The following SAMMSON variants were observed in gnomAD, a reference collection of about 807,000 sequenced individuals.
The protein encoded by SAMMSON is survival associated mitochondrial melanoma specific oncogenic non-coding RNA, also known as long intergenic non-protein coding RNA 1212.
chr3:70,352,746 A>G (rs1702802537), intron 7 of SAMMSON, among the ~76,000 whole-genome samples: 1 of 152,138 alleles, frequency 6.6e-6, no homozygotes, highest in African/African-American at 2.4e-5. Flanking sequence ...GTAGAAATAG[A>G]CAAGAATATT....
At chr3:70,280,479 C>T (rs943698185) in intron 6 of SAMMSON, among the ~76,000 whole-genome samples, 6 of 152,158 alleles carry the variant, frequency 3.9e-5, no homozygotes, top group Admixed American at 6.5e-5. Context: ...TCAATACTTT[C>T]ACCCTTGCCT....
intron 3 of SAMMSON, among the ~76,000 whole-genome samples, chr3:70,064,533 G>T (rs1190572354): frequency 6.6e-6 from 1 of 152,112 alleles, no homozygotes; most frequent in Non-Finnish European, 1.5e-5. Flanking sequence ...ATGCTTTCAT[G>T]TAGTTTCTTC....
chr3:70,140,662 A>G (rs1283372949), intron 4 of SAMMSON, among the ~76,000 whole-genome samples: 2 of 152,144 alleles, frequency 1.3e-5, no homozygotes, highest in Non-Finnish European at 2.9e-5. Context: ...ATCTTAATGA[A>G]GTTCTGTGAT....
intron 7 of SAMMSON, among the ~76,000 whole-genome samples, chr3:70,335,109 A>G (rs1559566190): frequency 6.6e-6 from 1 of 151,690 alleles, no homozygotes; most frequent in Non-Finnish European, 1.5e-5. Flanking sequence ...TAGAATGGGT[A>G]TAAAAGACAT....
chr3:70,392,797 C>G (rs1701061027), downstream of SAMMSON, among the ~76,000 whole-genome samples: 1 of 152,122 alleles, frequency 6.6e-6, no homozygotes, highest in Non-Finnish European at 1.5e-5. Flanking sequence ...ATAATTTTCA[C>G]TTAGTACTTG....
chr3:70,350,251 A>G (rs1003828745), intron 7 of SAMMSON, among the ~76,000 whole-genome samples: 2 of 152,214 alleles, frequency 1.3e-5, no homozygotes, highest in Non-Finnish European at 2.9e-5. Context: ...TTGATCTCCC[A>G]AATATTCTAT....
chr3:70,376,664 C>G lies in SAMMSON; in HGVS notation n.914-12910C>G, dbSNP rs150968229. 2.7e-3 allele frequency among the ~76,000 whole-genome samples: 411 copies of G among 152,162 alleles called. 2 individuals are homozygous for G. Among genetic ancestry groups the G allele is most frequent in the African/African-American group, 9.5e-3 (396 of 41,524 alleles). ...CCTCTTTCAGTAGGCAAAATAGGAG[C>G]ATTTACATACTTTTCTCATCCAGAG... On this transcript the variant is annotated intron_variant and non_coding_transcript_variant, in intron 9 of 9. Coordinates refer to ENST00000642114, the Ensembl canonical transcript of SAMMSON.
chr3:70,225,310 T>C (rs1701493339), intron 4 of SAMMSON, among the ~76,000 whole-genome samples: 1 of 152,218 alleles, frequency 6.6e-6, no homozygotes, highest in Non-Finnish European at 1.5e-5. Context: ...TAATTATATG[T>C]CTTCCTCCCA....
intron 4 of SAMMSON, among the ~76,000 whole-genome samples, chr3:70,092,694 G>A (rs911715873): frequency 2.0e-4 from 30 of 152,052 alleles, no homozygotes; most frequent in Admixed American, 2.0e-3. Flanking sequence ...CACAGTCGGA[G>A]CTTAATAGAC....
intron 6 of SAMMSON, among the ~76,000 whole-genome samples, chr3:70,252,103 A>C (rs1399713083): frequency 1.3e-5 from 2 of 152,196 alleles, no homozygotes; most frequent in Non-Finnish European, 2.9e-5. Context: ...CTGAAGCTGC[A>C]GCTTGAATTC....
At chr3:70,084,464 A>G (rs2067278466) in intron 4 of SAMMSON, among the ~76,000 whole-genome samples, 1 of 152,198 alleles carries the variant, frequency 6.6e-6, no homozygotes, top group Non-Finnish European at 1.5e-5. Flanking sequence ...TAAAATTTGA[A>G]GAGATTATTT....
At chr3:70,409,416 A>C (rs1352748639) in intron 2 of SAMMSON, among the ~76,000 whole-genome samples, 1 of 152,166 alleles carries the variant, frequency 6.6e-6, no homozygotes, top group Non-Finnish European at 1.5e-5. Flanking sequence ...TACAGATCAA[A>C]AGTCACTTAA....
intron 2 of SAMMSON, among the ~76,000 whole-genome samples, chr3:70,405,941 A>G (rs1338784508): frequency 2.6e-5 from 4 of 152,194 alleles, no homozygotes; most frequent in African/African-American, 9.6e-5. Context: ...ATCTTAACCA[A>G]TGCCTGAGAA....
chr3:70,165,021 CAT>C (rs1273276640), intron 4 of SAMMSON, among the ~76,000 whole-genome samples: 1 of 151,952 alleles, frequency 6.6e-6, no homozygotes, highest in Non-Finnish European at 1.5e-5. Flanking sequence ...ATTTTTAAGA[CAT>C]ATATAAGATA....
intron 3 of SAMMSON, among the ~76,000 whole-genome samples, chr3:70,063,857 G>A (rs2067199629): frequency 6.6e-6 from 1 of 152,076 alleles, no homozygotes; most frequent in African/African-American, 2.4e-5. Context: ...AAAGGGCTTA[G>A]CACAGTGCCT....
intron 2 of SAMMSON, among the ~76,000 whole-genome samples, chr3:70,432,798 G>A (rs750755779): frequency 1.1e-4 from 17 of 151,756 alleles, no homozygotes; most frequent in African/African-American, 1.7e-4. Context: ...AAAATACCCC[G>A]TGCTCCACCT....
chr3:70,095,568 A>G (rs768798396), intron 4 of SAMMSON, among the ~76,000 whole-genome samples: 6 of 152,150 alleles, frequency 3.9e-5, no homozygotes, highest in Non-Finnish European at 7.4e-5. Flanking sequence ...TTTTAGCATT[A>G]TGTTTAAAAA....
intron 2 of SAMMSON, chr3:70,424,690 T>G (rs902224730): frequency 3.9e-5 from 6 of 152,196 alleles, no homozygotes; most frequent in African/African-American, 1.4e-4. Context: ...CTGTTCTAGA[T>G]TAGGTTCACC....
At chr3:70,323,895 A>T (rs1702556937) in intron 7 of SAMMSON, among the ~76,000 whole-genome samples, 1 of 152,064 alleles carries the variant, frequency 6.6e-6, no homozygotes, top group African/African-American at 2.4e-5. Context: ...CTCCTGCAGG[A>T]TGCCTACTTC....
Sources: allele counts gnomAD v4.1 joint callset (sites outside exome capture counted in the v4.1 genomes callset), GRCh38; gene constraint gnomAD v4.1.1; transcripts MANE v1.5; gene names NCBI Gene and HGNC (gene_info 2026-07-23, HGNC 2026-07-21).